Variants in NEK1 observed in about 807,000 individuals in gnomAD.
NEK1 encodes the protein NIMA related kinase 1.
In NEK1, 137 loss-of-function variants were observed where a neutral mutation model predicts 182.1. The observed-to-expected ratio is 0.75, with a 90% confidence interval of 0.65 to 0.87. The LOEUF is 0.87. NEK1 is among the 40% of genes least tolerant of loss of function. The pLI, the probability that NEK1 is intolerant of heterozygous loss-of-function variation, is 0.00. For synonymous variants in NEK1, 513 were observed against 492.2 expected (o/e 1.04, Z -0.56); for missense variants, 1,391 against 1,494.4 (o/e 0.93, Z 1.14).
At chr4:169,532,512 C>T (rs1757830959) in intron 19 of NEK1, among the ~76,000 whole-genome samples, 2 of 152,124 alleles carry the variant, frequency 1.3e-5, no homozygotes, top group Non-Finnish European at 1.5e-5. Flanking sequence ...TCAATTGTAA[C>T]AAATGTACTG....
At chr4:169,570,521 C>CG (rs1764607335) in intron 12 of NEK1, among the ~76,000 whole-genome samples, 1 of 150,596 alleles carries the variant, frequency 6.6e-6, no homozygotes, top group East Asian at 2.0e-4. Flanking sequence ...GTCAGCCCCC[C>CG]GCCCGGCCAG....
chr4:169,441,745 C>A (rs1273031069), intron 27 of NEK1, among the ~76,000 whole-genome samples: 2 of 151,636 alleles, frequency 1.3e-5, no homozygotes, highest in Admixed American at 6.6e-5. Context: ...GCCCACCCAG[C>A]CTGCCAGCAC....
At chr4:169,556,532 A>G (rs1762180545) in intron 16 of NEK1, among the ~76,000 whole-genome samples, 1 of 152,128 alleles carries the variant, frequency 6.6e-6, no homozygotes, top group South Asian at 2.1e-4. Flanking sequence ...CCAAATCTTT[A>G]AATTCACCAA....
rs534425414 is a variant in NEK1 at position 169,598,858 on chromosome 4, C to A, written c.312+242G>T. On this transcript the variant is annotated intron_variant, in intron 5 of 35. Transcript: ENST00000507142. ...TGAATAATTAAGGCATATACATAGA[C>A]GCATGATATATATAACATACATCAC... is the stretch of plus-strand genomic sequence containing the variant. Among the ~76,000 whole-genome samples the A allele has an allele frequency of 2.8e-4, 43 of 152,102 alleles. No homozygotes were observed. The South Asian group carries it at 8.7e-3, about 31-fold the overall frequency.
In NEK1 at chr4:169,585,374, C is replaced by A. The variant is rs200161705; in HGVS notation, c.782G>T (p.Arg261Leu). ...CTGAGGAGAGAGAAACTTTTCAATG[C>A]GTTTGGCTATAAAACCTTTCTCCAA... ...SILEKGFIAK[R>L]IEKFLSPQLI... Residue 261 changes from arginine (R) to leucine (L), a missense_variant, in exon 10 of 36, where the codon CGC becomes CTC. This residue lies in a region of NEK1 where 1,216 missense variants were observed against 1,277.6 expected (regional missense o/e 0.95). Transcript: ENST00000507142. 44 of 1,613,078 alleles carry A rather than the reference C, an allele frequency of 2.7e-5. No individual in the cohort carries two copies. In the South Asian group the frequency reaches 4.7e-4, roughly 17 times the overall value.
chr4:169,548,502 G>A (rs1017487904), intron 18 of NEK1, among the ~76,000 whole-genome samples: 2 of 152,236 alleles, frequency 1.3e-5, no homozygotes, highest in Non-Finnish European at 2.9e-5. Flanking sequence ...TCTGTGCTGG[G>A]AGATCTGCTG....
In NEK1 at chr4:169,537,848, C is replaced by A. The variant is rs1042093464; in HGVS notation, c.1626G>T (p.Arg542=). The change falls in exon 19 of 36, where the codon CGG becomes CGT. Residue 542 remains arginine (R), a synonymous_variant. Transcript: ENST00000507142. ...CTCGAGCTTTATTCTGCATAGCTTC[C>A]CGTTTTCGCTGCAGGAACTCTTCTA... The part of the protein sequence containing the change: ...KQVEEFLQRK[R]EAMQNKARAE... 1 of 1,612,140 alleles carries A rather than the reference C, an allele frequency of 6.2e-7. No homozygotes were observed. Among genetic ancestry groups the A allele is most frequent in the African/African-American group, 1.3e-5 (1 of 74,842 alleles).
At chr4:169,494,024 C>A (rs1394032679) in intron 23 of NEK1, among the ~76,000 whole-genome samples, 1 of 152,000 alleles carries the variant, frequency 6.6e-6, no homozygotes, top group African/African-American at 2.4e-5. Flanking sequence ...AAGAAACAAT[C>A]TTAAAGGCAG....
At chr4:169,606,986 A>T (rs544541384) in intron 2 of NEK1, among the ~76,000 whole-genome samples, 1 of 152,302 alleles carries the variant, frequency 6.6e-6, no homozygotes, top group African/African-American at 2.4e-5. Context: ...TGCTGAGGAG[A>T]GAAAGCGGTC....
chr4:169,495,209 T>A (rs1205861683), intron 23 of NEK1, among the ~76,000 whole-genome samples: 1 of 151,326 alleles, frequency 6.6e-6, no homozygotes, highest in Non-Finnish European at 1.5e-5. Flanking sequence ...TCTTCTAGGG[T>A]TTTTATGGTT....
At chr4:169,603,340 C>A (rs1034796563) in intron 2 of NEK1, among the ~76,000 whole-genome samples, 12 of 152,112 alleles carry the variant, frequency 7.9e-5, no homozygotes, top group African/African-American at 2.9e-4. Flanking sequence ...AACAACAAAA[C>A]ACTGGTTGTT....
At chr4:169,468,433 A>T (rs943844603) in intron 26 of NEK1, among the ~76,000 whole-genome samples, 6 of 152,160 alleles carry the variant, frequency 3.9e-5, no homozygotes, top group Non-Finnish European at 8.8e-5. Flanking sequence ...AAAAACCAGT[A>T]AATATATATT....
In NEK1 at chr4:169,577,013, GC is replaced by G. The variant is rs2150034070; in HGVS notation, c.934del (p.Ala312ProfsTer8). 6.2e-7 allele frequency: 1 copy of G among 1,613,326 alleles called. No individual in the cohort carries two copies. The highest frequency in any genetic ancestry group is 8.5e-7 in the Non-Finnish European group (1 of 1,179,562). On this transcript the variant is annotated frameshift_variant, in exon 12 of 36. Coordinates refer to ENST00000507142, the MANE Select transcript of NEK1 (RefSeq NM_001199397.3). LOFTEE classifies it high-confidence loss of function. ...VMPAQKITKP[A>X]AKYGIPLAYK... The stretch of plus-strand genomic sequence containing the variant: ...TGCTAAAGGTATTCCATATTTAGCG[GC>G]AGGCTTTGTAATTTTCTGAGCAGGC...
chr4:169,438,977 C>T (rs1738921653), intron 27 of NEK1, among the ~76,000 whole-genome samples: 1 of 152,164 alleles, frequency 6.6e-6, no homozygotes, highest in Non-Finnish European at 1.5e-5. Flanking sequence ...ATCTCTAACA[C>T]TCATTTTCCA....
chr4:169,571,091 T>A (rs966949121), intron 12 of NEK1, among the ~76,000 whole-genome samples: 11 of 151,886 alleles, frequency 7.2e-5, no homozygotes, highest in African/African-American at 2.7e-4. Context: ...CTTTGTTCAC[T>A]TGTTTATCTG....
intron 18 of NEK1, among the ~76,000 whole-genome samples, chr4:169,542,087 G>C (rs767658788): frequency 6.6e-6 from 1 of 152,062 alleles, no homozygotes; most frequent in Non-Finnish European, 1.5e-5. Flanking sequence ...AGGTTACATA[G>C]GTATACACAT....
rs1280196573 is a variant in NEK1, at chr4:169,541,330, CTG to C, written c.1563-3421_1563-3420del. On this transcript the variant is annotated intron_variant, in intron 18 of 35. Transcript: ENST00000507142. Reference sequence around the variant, plus strand: ...AAAAACACAAATGTTAGGTGGCACTCTGTAATTTATTAAAAAGTGGCTTCAGC... The same window carrying C: ...AAAAACACAAATGTTAGGTGGCACTCTAATTTATTAAAAAGTGGCTTCAGC... 3.9e-5 allele frequency among the ~76,000 whole-genome samples: 6 copies of C among 152,250 alleles called. No individual in the cohort carries two copies. In the Middle Eastern group the frequency reaches 0.01, roughly 259 times the overall value.
chr4:169,556,958 A>G (rs905726493), intron 16 of NEK1, among the ~76,000 whole-genome samples: 1 of 152,200 alleles, frequency 6.6e-6, no homozygotes, highest in East Asian at 1.9e-4. Flanking sequence ...TTAAGTATTA[A>G]GTTTGGCTAT....
chr4:169,401,403 T>C (rs1481137932), intron 33 of NEK1, among the ~76,000 whole-genome samples: 1 of 151,854 alleles, frequency 6.6e-6, no homozygotes, highest in African/African-American at 2.4e-5. Flanking sequence ...AGTCAATAAA[T>C]GGAGATTAGA....
Sources: allele counts gnomAD v4.1 joint callset (sites outside exome capture counted in the v4.1 genomes callset), GRCh38; gene constraint gnomAD v4.1.1; regional missense constraint gnomAD v4.1.1; transcripts MANE v1.5; gene names NCBI Gene and HGNC (gene_info 2026-07-23, HGNC 2026-07-21).